The following PDE1C variants were observed in gnomAD, a reference collection of about 807,000 sequenced individuals.
PDE1C encodes the protein phosphodiesterase 1C, also known as dual specificity calcium/calmodulin-dependent 3',5'-cyclic nucleotide phosphodiesterase 1C.
A neutral mutation model predicts 93.1 loss-of-function variants in PDE1C; 62 were observed. The ratio of observed to expected loss-of-function variants is 0.67; its 90% CI spans 0.54 to 0.82. The LOEUF (loss-of-function observed/expected upper bound fraction) is 0.82. Ranked by LOEUF, PDE1C falls within the 40% of genes least tolerant of loss-of-function variation. The pLI is 0.00. For missense variants in PDE1C, 742 were observed against 884.6 expected (o/e 0.84, Z 2.04); for synonymous variants, 325 against 310.1 (o/e 1.05, Z -0.50).
the PDE1C span, among the ~76,000 whole-genome samples, chr7:31,672,809 C>A: frequency 6.6e-6 from 1 of 152,160 alleles, no homozygotes; most frequent in Admixed American, 6.5e-5. Context: ...TGTGTCCCCA[C>A]CCAAATCTCA....
At chr7:31,867,228 C>G (rs375794817) in intron 6 of PDE1C, among the ~76,000 whole-genome samples, 4 of 152,086 alleles carry the variant, frequency 2.6e-5, no homozygotes, top group South Asian at 2.1e-4. Context: ...CAAAACCCCC[C>G]ACCTGCAGCA....
intron 1 of PDE1C, among the ~76,000 whole-genome samples, chr7:32,225,304 T>C (rs17161057): frequency 0.02 from 3,000 of 152,102 alleles, 110 homozygotes; most frequent in African/African-American, 0.068. Context: ...TGTATAAGTT[T>C]CTACACAGGT....
chr7:32,104,052 C>T (rs1336345416), intron 3 of PDE1C, among the ~76,000 whole-genome samples: 4 of 152,140 alleles, frequency 2.6e-5, no homozygotes, highest in African/African-American at 4.8e-5. Context: ...CAATCAATTA[C>T]GCTCAGACAT....
At chr7:32,308,616 G>A (rs940981646) in intron 1 of PDE1C, among the ~76,000 whole-genome samples, 22 of 152,246 alleles carry the variant, frequency 1.4e-4, no homozygotes, top group African/African-American at 4.6e-4. Context: ...TGCAGCCACC[G>A]CTGCTGATAC....
At chr7:32,188,367 G>T (rs906697786) in intron 2 of PDE1C, among the ~76,000 whole-genome samples, 1 of 151,924 alleles carries the variant, frequency 6.6e-6, no homozygotes, top group South Asian at 2.1e-4. Flanking sequence ...GCATACATAC[G>T]ATTCATTTAT....
Position 31,775,742 on chromosome 7 carries a change from GGAAAAAGAGGATAA to G in PDE1C, c.1892-24_1892-11del. 1 of 1,610,396 alleles carries G rather than the reference GGAAAAAGAGGATAA, an allele frequency of 6.2e-7. No individual in the cohort carries two copies. Among genetic ancestry groups the G allele is most frequent in the Non-Finnish European group, 8.5e-7 (1 of 1,177,932 alleles). On this transcript the variant is annotated splice_polypyrimidine_tract_variant and intron_variant, in intron 16 of 17. Transcript: ENST00000396191. ...GAACGCTGTTTTGTGCCTGTGAAGA[GGAAAAAGAGGATAA>G]GGAAAAGTAGGATTGTGGAAAAACC...
chr7:31,793,610 G>A (rs1334664096), intron 16 of PDE1C, among the ~76,000 whole-genome samples: 8 of 149,222 alleles, frequency 5.4e-5, no homozygotes. Flanking sequence ...AAGAATAAGT[G>A]TAGAGAAACC....
intron 1 of PDE1C, among the ~76,000 whole-genome samples, chr7:32,264,515 T>C (rs1324102307): frequency 6.6e-6 from 1 of 152,220 alleles, no homozygotes. Flanking sequence ...TTTTCATGGC[T>C]AGCTTCTGGT....
At chr7:32,179,118 G>C (rs1002789610) in intron 2 of PDE1C, among the ~76,000 whole-genome samples, 2 of 152,144 alleles carry the variant, frequency 1.3e-5, no homozygotes, top group African/African-American at 4.8e-5. Flanking sequence ...ACATCACACT[G>C]TGTTTATTAC....
At chr7:32,330,878 C>T (rs899677016) in intron 1 of PDE1C, among the ~76,000 whole-genome samples, 13 of 152,162 alleles carry the variant, frequency 8.5e-5, no homozygotes, top group African/African-American at 3.1e-4. Flanking sequence ...GAGAGTTTTC[C>T]AATGAAAACA....
At chr7:32,341,232 GT>G (rs1305035244) in intron 1 of PDE1C, among the ~76,000 whole-genome samples, 2 of 131,786 alleles carry the variant, frequency 1.5e-5, no homozygotes, top group Admixed American at 8.1e-5. Context: ...CTGGAGTGCA[GT>G]GGCGCGATCT....
Position 32,249,918 on chromosome 7 carries a change from A to G in PDE1C, c.86-40379T>C, listed in dbSNP as rs533407016. 5.3e-5 allele frequency among the ~76,000 whole-genome samples: 8 copies of G among 152,346 alleles called. No individual in the cohort carries two copies. In the East Asian group the frequency reaches 1.5e-3, roughly 29 times the overall value. On this transcript the variant is annotated intron_variant, in intron 1 of 18. Transcript: ENST00000396193. ...AGTCCATGCAATAAGGTAGAGTATCAAATAAAGAATATAAATACAAAATAT... is the reference window on the plus strand; with the variant it reads ...AGTCCATGCAATAAGGTAGAGTATCGAATAAAGAATATAAATACAAAATAT...
At chr7:31,882,910 C>T (rs1305267016) in intron 2 of PDE1C, among the ~76,000 whole-genome samples, 3 of 152,044 alleles carry the variant, frequency 2.0e-5, no homozygotes, top group Admixed American at 6.5e-5. Context: ...AAAGTAAAAC[C>T]TGTATAAGCA....
At chr7:32,030,052 G>T (rs866953961) in intron 2 of PDE1C, among the ~76,000 whole-genome samples, 2 of 148,394 alleles carry the variant, frequency 1.3e-5, no homozygotes, top group African/African-American at 5.0e-5. Flanking sequence ...GAGTGAAAAA[G>T]CAAGTTGCTG....
chr7:31,922,843 T>A (rs73686821), intron 2 of PDE1C, among the ~76,000 whole-genome samples: 7,747 of 152,200 alleles, frequency 0.051, 275 homozygotes, highest in African/African-American at 0.098. Context: ...TTATTTTTTT[T>A]AAAAATTCTC....
chr7:31,645,722 G>C, the PDE1C span, among the ~76,000 whole-genome samples: 3 of 152,018 alleles, frequency 2.0e-5, no homozygotes, highest in Non-Finnish European at 2.9e-5. Flanking sequence ...ATGACATTTC[G>C]TGATGTTTGG....
chr7:31,805,443 C>A (rs540341873), intron 16 of PDE1C, among the ~76,000 whole-genome samples: 2 of 151,650 alleles, frequency 1.3e-5, no homozygotes, highest in East Asian at 2.0e-4. Flanking sequence ...ATTCTTCAGA[C>A]CTCTAGAGTT....
intron 1 of PDE1C, among the ~76,000 whole-genome samples, chr7:32,354,290 C>A (rs1783990304): frequency 6.6e-6 from 1 of 152,044 alleles, no homozygotes; most frequent in African/African-American, 2.4e-5. Context: ...TGTTGGAATG[C>A]TATTATCTAG....
intron 2 of PDE1C, among the ~76,000 whole-genome samples, chr7:31,938,885 T>C (rs1032151565): frequency 6.6e-6 from 1 of 152,188 alleles, no homozygotes; most frequent in East Asian, 1.9e-4. Flanking sequence ...ATTGTATCTT[T>C]TTAACCTTAA....
Sources: allele counts gnomAD v4.1 joint callset (sites outside exome capture counted in the v4.1 genomes callset), GRCh38; gene constraint gnomAD v4.1.1; transcripts MANE v1.5; gene names NCBI Gene and HGNC (gene_info 2026-07-23, HGNC 2026-07-21).